CDH13: variants seen among roughly 807,000 people sequenced by gnomAD.
The protein encoded by CDH13 is cadherin 13, also known as cadherin-13.
In CDH13, 24 loss-of-function variants were observed where a neutral mutation model predicts 63.8. The ratio of observed to expected loss-of-function variants is 0.38; its 90% CI spans 0.27 to 0.53. The LOEUF (loss-of-function observed/expected upper bound fraction) is 0.53. Ranked by LOEUF, CDH13 falls within the 20% of genes least tolerant of loss-of-function variation. CDH13 has a pLI of 0.85. For missense variants in CDH13, 1,049 were observed against 903.1 expected (o/e 1.16, Z -2.07); for synonymous variants, 503 against 355.3 (o/e 1.42, Z -4.67).
chr16:83,251,402 C>T (rs1454131018), intron 5 of CDH13, among the ~76,000 whole-genome samples: 1 of 152,180 alleles, frequency 6.6e-6, no homozygotes, highest in Non-Finnish European at 1.5e-5. Context: ...AAAGAGAAGG[C>T]ACCTGAGGCT....
At chr16:83,187,245 C>G (rs2038554737) in intron 4 of CDH13, among the ~76,000 whole-genome samples, 1 of 152,178 alleles carries the variant, frequency 6.6e-6, no homozygotes, top group Non-Finnish European at 1.5e-5. Flanking sequence ...TCTGGAATTA[C>G]AGGCGTAAGC....
chr16:83,510,612 C>G (rs1162090296), intron 7 of CDH13, among the ~76,000 whole-genome samples: 1 of 152,124 alleles, frequency 6.6e-6, no homozygotes, highest in Non-Finnish European at 1.5e-5. Context: ...TGGAATCTAC[C>G]CCTGGACAGG....
intron 5 of CDH13, among the ~76,000 whole-genome samples, chr16:83,323,167 CTTTCTTT>C (rs1293689749): frequency 3.2e-3 from 15 of 4,736 alleles, no homozygotes; most frequent in African/African-American, 6.1e-3. Flanking sequence ...CTTTCTTTCT[CTTTCTTT>C]TTTCTTTCTT....
intron 10 of CDH13, among the ~76,000 whole-genome samples, chr16:83,736,542 C>T (rs1372895152): frequency 6.6e-6 from 1 of 151,656 alleles, no homozygotes; most frequent in Non-Finnish European, 1.5e-5. Flanking sequence ...TCAAATGTCC[C>T]TTTATATGAG....
At chr16:82,979,270 G>A (rs1909943274) in intron 2 of CDH13, among the ~76,000 whole-genome samples, 1 of 152,174 alleles carries the variant, frequency 6.6e-6, no homozygotes. Flanking sequence ...GGAGTTTTCA[G>A]TTAATGCTGG....
chr16:82,672,796 C>CACACACAT (rs1913415256), intron 1 of CDH13, among the ~76,000 whole-genome samples: 1 of 146,708 alleles, frequency 6.8e-6, no homozygotes, highest in Non-Finnish European at 1.5e-5. Context: ...CACACACACA[C>CACACACAT]ACACATACAC....
chr16:83,751,288 A>G (rs903237653), intron 11 of CDH13, among the ~76,000 whole-genome samples: 1 of 152,128 alleles, frequency 6.6e-6, no homozygotes, highest in African/African-American at 2.4e-5. Flanking sequence ...TTGCCTCCAG[A>G]ATAAACATTG....
chr16:82,858,512 C>G (rs781041818), intron 2 of CDH13, 39 bp downstream of exon 2: 1 of 1,198,624 alleles, frequency 8.3e-7, no homozygotes, highest in Non-Finnish European at 1.2e-6. Context: ...AGACTCTTCT[C>G]ATATTTGAAT....
At chr16:83,699,622 CAT>C (rs781058357) in intron 10 of CDH13, among the ~76,000 whole-genome samples, 3 of 152,176 alleles carry the variant, frequency 2.0e-5, no homozygotes, top group Non-Finnish European at 2.9e-5. Context: ...CCTTGGCACA[CAT>C]ATGCACACAC....
intron 10 of CDH13, among the ~76,000 whole-genome samples, chr16:83,704,977 AT>A: frequency 6.6e-6 from 1 of 152,256 alleles, no homozygotes; most frequent in East Asian, 1.9e-4. Context: ...AAACTTGTAG[AT>A]TTTTCTGGCA....
At chr16:83,732,503 C>T (rs989374112) in intron 10 of CDH13, among the ~76,000 whole-genome samples, 1 of 152,144 alleles carries the variant, frequency 6.6e-6, no homozygotes, top group African/African-American at 2.4e-5. Context: ...TTTTTTAAAT[C>T]TCACTCTCCT....
intron 6 of CDH13, among the ~76,000 whole-genome samples, chr16:83,467,477 TGGCGCC>T: frequency 6.6e-6 from 1 of 152,144 alleles, no homozygotes; most frequent in African/African-American, 2.4e-5. Flanking sequence ...ATTTAGGAGC[TGGCGCC>T]TTACAGCTCT....
intron 2 of CDH13, among the ~76,000 whole-genome samples, chr16:82,988,841 C>T (rs1028221087): frequency 2.6e-5 from 4 of 151,598 alleles, no homozygotes; most frequent in Non-Finnish European, 5.9e-5. Context: ...GTTGCTGTGT[C>T]CCGCAAGGTA....
intron 3 of CDH13, among the ~76,000 whole-genome samples, chr16:83,087,554 G>GCTACTCAGGA (rs1555581703): frequency 6.0e-5 from 9 of 151,050 alleles, no homozygotes; most frequent in African/African-American, 2.2e-4. Context: ...TATAGTCCCA[G>GCTACTCAGGA]CTACTCAGGA....
intron 1 of CDH13, chr16:82,705,365 A>G (rs540431750): frequency 1.6e-4 from 52 of 323,926 alleles, no homozygotes; most frequent in Middle Eastern, 1.5e-3. Flanking sequence ...TTAGAATTCA[A>G]TACGCTAATA....
intron 5 of CDH13, among the ~76,000 whole-genome samples, chr16:83,279,315 A>G (rs796486705): frequency 2.9e-4 from 44 of 152,252 alleles, no homozygotes; most frequent in African/African-American, 1.0e-3. Flanking sequence ...GTTAGTAGAG[A>G]TTTACATGCC....
intron 5 of CDH13, among the ~76,000 whole-genome samples, chr16:83,298,222 G>A (rs1012242009): frequency 2.6e-5 from 4 of 151,994 alleles, no homozygotes; most frequent in Non-Finnish European, 5.9e-5. Flanking sequence ...CAGGCTGGGT[G>A]AGAGAGCAAG....
At chr16:83,147,915 T>A (rs1191222174) in intron 4 of CDH13, among the ~76,000 whole-genome samples, 1 of 152,082 alleles carries the variant, frequency 6.6e-6, no homozygotes, top group East Asian at 1.9e-4. Flanking sequence ...GCCAGCAGGT[T>A]CTGGTGGCTC....
intron 3 of CDH13, among the ~76,000 whole-genome samples, chr16:83,104,902 G>C (rs2034689420): frequency 6.6e-6 from 1 of 152,174 alleles, no homozygotes; most frequent in Non-Finnish European, 1.5e-5. Flanking sequence ...GGCAATGAGT[G>C]CTTCCTTTTC....
Sources: allele counts gnomAD v4.1 joint callset (sites outside exome capture counted in the v4.1 genomes callset), GRCh38; gene constraint gnomAD v4.1.1; transcripts MANE v1.5; gene names NCBI Gene and HGNC (gene_info 2026-07-23, HGNC 2026-07-21).